The following ISCU variants were observed in gnomAD, a reference collection of about 807,000 sequenced individuals.
ISCU encodes iron-sulfur cluster assembly enzyme ISCU.
ISCU carries 13 observed loss-of-function variants against 18.4 expected under a neutral mutation model. The observed-to-expected ratio is 0.71, with a 90% CI of 0.46 to 1.12. ISCU has a LOEUF of 1.12. Among genes scored for constraint, ISCU ranks in the 50% most tolerant of loss-of-function variants. ISCU has a pLI of 0.00. For missense variants in ISCU, 229 were observed against 208.7 expected (o/e 1.10, Z -0.60); for synonymous variants, 104 against 87.5 (o/e 1.19, Z -1.06).
chr12:108,568,809 T>G (rs544938559), intron 4 of ISCU, 22 bp from the exon 5 acceptor site: 17 of 1,607,268 alleles, frequency 1.1e-5, no homozygotes, highest in Non-Finnish European at 1.4e-5. Context: ...AACTTAGGCT[T>G]CTTTCCTTCC....
At position 108,569,101 on chromosome 12, in the gene ISCU, G is replaced by T; in HGVS notation, c.*185G>T. On this transcript the variant is annotated 3_prime_UTR_variant, in exon 5 of 5. Transcript: ENST00000311893. The stretch of plus-strand genomic sequence containing the variant: ...ACAGTTTCATTGTTCTGAATCCTGT[G>T]GTTTCTTTCAGCCCACTTTTATCGC... 1 of 623,316 alleles carries T rather than the reference G, an allele frequency of 1.6e-6. No homozygotes were observed. The highest frequency in any genetic ancestry group is 2.8e-6 in the Non-Finnish European group (1 of 351,716). The allele number at this position is 623,316 out of a possible 1,614,324, so 38.6% of individuals were successfully genotyped here.
rs1336397184 is a variant in ISCU, at chr12:108,569,228, C to T, written c.*312C>T. 2.9e-6 allele frequency: 1 copy of T among 349,786 alleles called. No individual in the cohort carries two copies. Among genetic ancestry groups the T allele is most frequent in the African/African-American group, 2.1e-5 (1 of 47,768 alleles). The allele number at this position is 349,786 out of a possible 1,614,324, so 21.7% of individuals were successfully genotyped here. The stretch of plus-strand genomic sequence containing the variant: ...GATAGCCCGTGAAGTGCATAAGTAT[C>T]TAATTTTACCTGAATTGATTTGGGG... On this transcript the variant is annotated 3_prime_UTR_variant, in exon 5 of 5. Transcript: ENST00000311893.
Position 108,562,705 on chromosome 12 carries a change from T to G in ISCU, c.83T>G (p.Leu28Arg). The G allele has an allele frequency of 6.7e-7, 1 of 1,490,546 alleles. No individual in the cohort carries two copies. Among genetic ancestry groups the G allele is most frequent in the Non-Finnish European group, 8.8e-7 (1 of 1,130,372 alleles). The allele number at this position is 1,490,546 out of a possible 1,614,324, so 92.3% of individuals were successfully genotyped here. A position where few individuals can be genotyped will look rare whatever the true frequency, so the allele number is the denominator to read the frequency against. The change falls in exon 1 of 5, where the codon CTG (leucine) becomes CGG (arginine). Residue 28 changes from leucine to arginine, a missense_variant. Transcript: ENST00000311893. ...AGCCCCCGCCTGCCCGCCCGGGAGC[T>G]GTCGGCCCCGGCCCGACTCTATCAC... ...LRSPRLPARE[L>R]SAPARLYHKK...
intron 3 of ISCU, among the ~76,000 whole-genome samples, chr12:108,566,321 A>C (rs535439045): frequency 6.6e-6 from 1 of 152,362 alleles, no homozygotes; most frequent in Admixed American, 6.5e-5. Flanking sequence ...TTTGTCAGGA[A>C]CTGTCCTCAG....
At position 108,562,659 on chromosome 12, in the gene ISCU, G is replaced by A. The variant is rs1300314086; in HGVS notation, c.37G>A (p.Ala13Thr). 3.4e-6 allele frequency: 5 copies of A among 1,454,484 alleles called. No homozygotes were observed. In the East Asian group the frequency reaches 1.2e-4, roughly 34 times the overall value. 90.1% of individuals were successfully genotyped at this position (1,454,484 alleles called of 1,614,324 possible). ...TGGGGCTTTCCGTCTGAGGCGGGCG[G>A]CATCGGCTCTGCTGCTGCGGAGCCC... is the stretch of plus-strand genomic sequence containing the variant. ...AAGAFRLRRA[A>T]SALLLRSPRL... Residue 13 changes from alanine to threonine, a missense_variant, in exon 1 of 5, where the codon GCA (alanine) becomes ACA (threonine). By Grantham distance (58) the Ala-to-Thr change is moderately conservative. Coordinates refer to ENST00000311893, the MANE Select transcript of ISCU (RefSeq NM_213595.4).
In ISCU at chr12:108,567,466, A is replaced by AG; in HGVS notation, c.418+200dup. The AG allele has an allele frequency of 5.6e-6, 4 of 717,668 alleles. No individual in the cohort carries two copies. In the Admixed American group the frequency reaches 8.3e-5, roughly 15 times the overall value. 44.5% of individuals were successfully genotyped at this position (717,668 alleles called of 1,614,324 possible). ...TCCCTAAGAGAATCATGCCAGAAGGAGGTATGCACCAGCCATCATACTGAG... is the reference window on the plus strand; with the variant it reads ...TCCCTAAGAGAATCATGCCAGAAGGAGGGTATGCACCAGCCATCATACTGAG... On this transcript the variant is annotated intron_variant, in intron 4 of 4. Transcript: ENST00000311893.
At chr12:108,568,377 G>GA in intron 4 of ISCU, 1 of 1,094,908 alleles carries the variant, frequency 9.1e-7, no homozygotes, top group East Asian at 6.8e-5. Context: ...CCCATCAACA[G>GA]ATTGACATGA....
rs1315225159 is a variant in ISCU at position 108,567,282 on chromosome 12, C to T, written c.418+14C>T. The stretch of plus-strand genomic sequence containing the variant: ...TGCACTGCTCCAGTAAGTCTCTGCT[C>T]TCCATACCAGTCAGCTGGGACATTT... On this transcript the variant is annotated intron_variant, in intron 4 of 4. Transcript: ENST00000311893. 2 of 1,601,256 alleles carry T rather than the reference C, an allele frequency of 1.2e-6. No homozygotes were observed. The highest frequency in any genetic ancestry group is 3.3e-5 in the Admixed American group (2 of 60,016).
intron 4 of ISCU, chr12:108,568,126 C>G (rs2030987407): frequency 7.3e-7 from 1 of 1,365,794 alleles, no homozygotes; most frequent in South Asian, 1.9e-5. Flanking sequence ...TTTTAAGTAC[C>G]CATAAAGAAA....
At chr12:108,563,854 G>T (rs1034718975) in intron 1 of ISCU, 3 of 578,284 alleles carry the variant, frequency 5.2e-6, no homozygotes, top group East Asian at 3.1e-5. Flanking sequence ...TCACCTTAAG[G>T]CTTCTAAGAA....
At chr12:108,563,627 T>C (rs943093957) in intron 1 of ISCU, 2 of 244,350 alleles carry the variant, frequency 8.2e-6, no homozygotes, top group Non-Finnish European at 1.6e-5. Context: ...ATCTGGCTTC[T>C]GCCCTTTCTC....
At chr12:108,563,964 G>T (rs2030758889) in intron 1 of ISCU, 2 of 803,450 alleles carry the variant, frequency 2.5e-6, no homozygotes, top group African/African-American at 1.7e-5. Flanking sequence ...TGCTGTTTGA[G>T]CCCAAGTCTG....
chr12:108,565,478 C>CT (rs1348576212), intron 3 of ISCU, 47 bp downstream of exon 3: 23 of 1,270,216 alleles, frequency 1.8e-5, no homozygotes, highest in Non-Finnish European at 2.6e-5. Flanking sequence ...GTAACCATGA[C>CT]TTTTTTTTAA....
intron 4 of ISCU, chr12:108,568,149 T>G: frequency 7.5e-7 from 1 of 1,333,532 alleles, no homozygotes; most frequent in Non-Finnish European, 9.6e-7. Context: ...TCATCACTTG[T>G]AAACATTTTC....
At position 108,567,970 on chromosome 12, in the gene ISCU, T is replaced by C. The variant is rs751371684; in HGVS notation, c.418+702T>C. The C allele has an allele frequency of 6.8e-5, 103 of 1,505,396 alleles. No individual in the cohort carries two copies. Among genetic ancestry groups the C allele is most frequent in the Non-Finnish European group, 8.8e-5 (99 of 1,119,818 alleles). The allele number at this position is 1,505,396 out of a possible 1,614,324, so 93.3% of individuals were successfully genotyped here. A position where few individuals can be genotyped will look rare whatever the true frequency, so the allele number is the denominator to read the frequency against. On this transcript the variant is annotated intron_variant, in intron 4 of 4. Transcript: ENST00000311893. The stretch of plus-strand genomic sequence containing the variant: ...CCTTAATGCATCGATGGAGGTTTAC[T>C]AACCAAATTAGTTAAAAATCAGCAG...
In ISCU at chr12:108,562,799, C is replaced by T. The variant is rs1286471700; in HGVS notation, c.114+63C>T. The T allele has an allele frequency of 1.4e-5, 14 of 974,540 alleles. 1 individual carries two copies. The East Asian group carries it at 1.6e-4, about 11-fold the overall frequency. The allele number at this position is 974,540 out of a possible 1,614,324, so 60.4% of individuals were successfully genotyped here. A position where few individuals can be genotyped will look rare whatever the true frequency, so the allele number is the denominator to read the frequency against. ...GCGGAGGCCTGGGCTGGAGGGGCGG[C>T]CGCGGGGTTCTGCGCAGCTAGGACT... On this transcript the variant is annotated intron_variant, in intron 1 of 4. Coordinates refer to ENST00000311893, the MANE Select transcript of ISCU (RefSeq NM_213595.4).
upstream of ISCU, chr12:108,562,549 A>G: frequency 1.2e-6 from 1 of 845,890 alleles, no homozygotes; most frequent in Non-Finnish European, 1.6e-6. Flanking sequence ...GCGCGCTCCC[A>G]GCTCGGAGCC....
intron 4 of ISCU, 79 bp downstream of exon 4, chr12:108,567,347 TC>T (rs1158719437): frequency 8.7e-7 from 1 of 1,155,484 alleles, no homozygotes; most frequent in Admixed American, 1.7e-5. Flanking sequence ...TCCTTTTAGA[TC>T]ATGGAGCCCA....
In ISCU at chr12:108,567,602, A is replaced by G. The variant is rs1592794138; in HGVS notation, c.418+334A>G. Reference sequence around the variant, plus strand: ...CTAAGGCTTGGGTTGAGACGCCCACATCACATGGCTAATAAGTGGAAGAGC... The same window carrying G: ...CTAAGGCTTGGGTTGAGACGCCCACGTCACATGGCTAATAAGTGGAAGAGC... On this transcript the variant is annotated intron_variant, in intron 4 of 4. Coordinates refer to ENST00000311893, the MANE Select transcript of ISCU (RefSeq NM_213595.4). 8 of 1,426,626 alleles carry G rather than the reference A, an allele frequency of 5.6e-6. No homozygotes were observed. In the East Asian group the frequency reaches 2.0e-4, roughly 35 times the overall value. The allele number at this position is 1,426,626 out of a possible 1,614,324, so 88.4% of individuals were successfully genotyped here.
Sources: gnomAD v4.1 joint callset for allele counts (sites outside exome capture counted in the v4.1 genomes callset) on GRCh38, gnomAD v4.1.1 for gene constraint, MANE v1.5 for transcripts, NCBI Gene and HGNC (gene_info 2026-07-23, HGNC 2026-07-21) for gene names.